STX19: variants seen among roughly 807,000 people sequenced by gnomAD.
STX19 encodes the protein syntaxin-19.
Under a neutral mutation model 24.3 loss-of-function variants are expected in STX19, and 26 were observed. The observed-to-expected ratio is 1.07, with a 90% CI of 0.78 to 1.48. STX19 has a LOEUF of 1.48. STX19 is among the 40% of genes most tolerant of loss of function. STX19 has a pLI of 0.00. For missense variants in STX19, 367 were observed against 331.9 expected, an observed-to-expected ratio of 1.11 and a Z score of -0.82; for synonymous variants, 116 against 106.9, an observed-to-expected ratio of 1.09 and a Z score of -0.52.
rs1239038987 is a variant in STX19, at chr3:94,015,063, T to A, written c.207A>T (p.Gln69His). ...ESINNLADNV[Q>H]KFGQQQKSLV... Reference sequence around the variant, plus strand: ...GACTTTTCTGTTGCTGCCCAAATTTTTGAACATTATCTGCCAAATTGTTAA... The same window carrying A: ...GACTTTTCTGTTGCTGCCCAAATTTATGAACATTATCTGCCAAATTGTTAA... The change falls in exon 2 of 2, where the codon CAA (glutamine) becomes CAT (histidine). Residue 69 changes from glutamine to histidine, a missense_variant. By Grantham distance (24) the Gln-to-His change is conservative. Coordinates refer to ENST00000315099, the MANE Select transcript of STX19 (RefSeq NM_001001850.3). The A allele has an allele frequency of 6.2e-7, 1 of 1,614,032 alleles. No homozygotes were observed. Among genetic ancestry groups the A allele is most frequent in the Non-Finnish European group, 8.5e-7 (1 of 1,179,958 alleles).
intron 1 of STX19, among the ~76,000 whole-genome samples, chr3:94,021,273 A>C (rs2076443615): frequency 6.6e-6 from 1 of 151,304 alleles, no homozygotes; most frequent in African/African-American, 2.4e-5. Context: ...AGCTCACTGC[A>C]ATCTCCACCT....
chr3:94,015,009 T>G lies in STX19; in HGVS notation c.261A>C (p.Leu87=). The G allele has an allele frequency of 6.2e-7, 1 of 1,614,062 alleles. No individual in the cohort carries two copies. The highest frequency in any genetic ancestry group is 8.5e-7 in the Non-Finnish European group (1 of 1,179,962). Residue 87 remains leucine, a synonymous_variant, in exon 2 of 2, where the codon CTA becomes CTC. Transcript: ENST00000315099. ...TTGTAATGGTAGACTCTCTCTTAAG[T>G]AGACTAAACCTTCTCATTGAAGCCA... ...SLVASMRRFS[L]LKRESTITKE...
chr3:94,014,937 A>G lies in STX19; in HGVS notation c.333T>C (p.Asp111=), dbSNP rs746206474. ...QAEYINRSLN[D]LVKEVKKSEV... ...CTGACTTTTTAACTTCTTTAACTAA[A>G]TCATTCAAACTTCTGTTGATGTATT... Residue 111 remains aspartate, a synonymous_variant, in exon 2 of 2, where the codon GAT becomes GAC. Coordinates refer to ENST00000315099, the MANE Select transcript of STX19 (RefSeq NM_001001850.3). 1.2e-6 allele frequency: 2 copies of G among 1,613,822 alleles called. No individual in the cohort carries two copies. The highest frequency in any genetic ancestry group is 4.5e-5 in the East Asian group (2 of 44,864).
chr3:94,017,493 A>G (rs1055942549), intron 1 of STX19, among the ~76,000 whole-genome samples: 5 of 152,192 alleles, frequency 3.3e-5, no homozygotes, highest in Non-Finnish European at 7.3e-5. Flanking sequence ...TTTTGGGTAA[A>G]AGGTTAAACC....
At chr3:94,022,682 G>T (rs1178822026) in intron 1 of STX19, among the ~76,000 whole-genome samples, 7 of 151,892 alleles carry the variant, frequency 4.6e-5, no homozygotes, top group African/African-American at 1.2e-4. Context: ...TCAATGGATA[G>T]AGATAGAAAA....
intron 1 of STX19, 69 bp downstream of exon 1, chr3:94,028,298 A>G (rs1340380996): frequency 6.6e-6 from 1 of 152,206 alleles, no homozygotes; most frequent in Non-Finnish European, 1.5e-5. Flanking sequence ...TTTTAAATGT[A>G]ACAGTGTAAC....
chr3:94,028,018 G>A (rs957789317), intron 1 of STX19, among the ~76,000 whole-genome samples: 1 of 152,046 alleles, frequency 6.6e-6, no homozygotes, highest in Non-Finnish European at 1.5e-5. Flanking sequence ...TCTAAAGTAA[G>A]CACATTCATA....
chr3:94,021,749 T>G (rs1481120289), intron 1 of STX19, among the ~76,000 whole-genome samples: 2 of 152,216 alleles, frequency 1.3e-5, no homozygotes, highest in African/African-American at 4.8e-5. Context: ...TTTAGTGGTA[T>G]TTATGACTCC....
chr3:94,028,080 A>G (rs1275508922), intron 1 of STX19, among the ~76,000 whole-genome samples: 1 of 152,156 alleles, frequency 6.6e-6, no homozygotes, highest in Admixed American at 6.5e-5. Flanking sequence ...CTGACTTTCT[A>G]GTATTTTTTA....
chr3:94,024,993 C>T (rs1011633251), intron 1 of STX19, among the ~76,000 whole-genome samples: 1 of 152,110 alleles, frequency 6.6e-6, no homozygotes, highest in African/African-American at 2.4e-5. Flanking sequence ...TATTGGAGCA[C>T]AGTGTACACA....
chr3:94,019,485 G>T (rs993939162), intron 1 of STX19, among the ~76,000 whole-genome samples: 1 of 152,064 alleles, frequency 6.6e-6, no homozygotes. Context: ...ATGAGCCACC[G>T]CAACTGGTCA....
In STX19 at chr3:94,014,659, A is replaced by T; in HGVS notation, c.611T>A (p.Ile204Asn). 6.2e-7 allele frequency: 1 copy of T among 1,613,560 alleles called. No individual in the cohort carries two copies. The highest frequency in any genetic ancestry group is 1.1e-5 in the South Asian group (1 of 90,964). The change falls in exon 2 of 2, where the codon ATC becomes AAC. Residue 204 changes from isoleucine (I) to asparagine (N), a missense_variant. By Grantham distance (149) the Ile-to-Asn change is moderately radical. Transcript: ENST00000315099. ...AATCTCTGAAAGTTGTGCTTTAGTGATATTGATTTCTGTAAGTAAGCTTTC... is the reference window on the plus strand; with the variant it reads ...AATCTCTGAAAGTTGTGCTTTAGTGTTATTGATTTCTGTAAGTAAGCTTTC... ...FNESLLTEIN[I>N]TKAQLSEIEQ...
chr3:94,025,879 A>T (rs80148851), intron 1 of STX19, among the ~76,000 whole-genome samples: 3,186 of 152,258 alleles, frequency 0.021, 105 homozygotes, highest in African/African-American at 0.073. Context: ...TAGGAAACTC[A>T]GTTTTAGTTC....
chr3:94,026,462 C>T (rs1356868356), intron 1 of STX19, among the ~76,000 whole-genome samples: 1 of 152,070 alleles, frequency 6.6e-6, no homozygotes, highest in African/African-American at 2.4e-5. Flanking sequence ...GATAGGTACT[C>T]AAATATGTTT....
At chr3:94,020,345 C>T (rs576689223) in intron 1 of STX19, among the ~76,000 whole-genome samples, 1 of 152,106 alleles carries the variant, frequency 6.6e-6, no homozygotes, top group Non-Finnish European at 1.5e-5. Context: ...AATGAAATTA[C>T]GATCTCAGCT....
At chr3:94,018,858 C>T (rs556453438) in intron 1 of STX19, among the ~76,000 whole-genome samples, 4 of 152,058 alleles carry the variant, frequency 2.6e-5, no homozygotes, top group South Asian at 2.1e-4. Flanking sequence ...CTCCGCCGTC[C>T]GGGTTCAAGC....
At chr3:94,016,690 C>A (rs573914004) in intron 1 of STX19, among the ~76,000 whole-genome samples, 113 of 151,106 alleles carry the variant, frequency 7.5e-4, no homozygotes, top group African/African-American at 2.7e-3. Flanking sequence ...TCTGATGCCC[C>A]GGCTGGCATG....
chr3:94,017,629 T>C (rs1034065155), intron 1 of STX19, among the ~76,000 whole-genome samples: 1 of 152,234 alleles, frequency 6.6e-6, no homozygotes, highest in African/African-American at 2.4e-5. Flanking sequence ...CCTTGAGGAA[T>C]TTATAATTTA....
intron 1 of STX19, among the ~76,000 whole-genome samples, chr3:94,025,811 G>A (rs2076544329): frequency 6.6e-6 from 1 of 152,110 alleles, no homozygotes; most frequent in Admixed American, 6.6e-5. Context: ...AGTCAACAGA[G>A]TTATTCCTGT....
Sources: allele counts gnomAD v4.1 joint callset (sites outside exome capture counted in the v4.1 genomes callset), GRCh38; gene constraint gnomAD v4.1.1; transcripts MANE v1.5; gene names NCBI Gene and HGNC (gene_info 2026-07-23, HGNC 2026-07-21).